Variants in NEDD1 observed in about 807,000 individuals in gnomAD.
NEDD1 encodes protein NEDD1.
NEDD1 carries 33 observed loss-of-function variants against 74.0 expected under a neutral mutation model. The ratio of observed to expected loss-of-function variants is 0.45; its 90% CI spans 0.34 to 0.60. The LOEUF (loss-of-function observed/expected upper bound fraction) is 0.60, where lower values mean the gene tolerates loss of function less well. Among genes scored for constraint, NEDD1 ranks in the 20% least tolerant of loss-of-function variants. The pLI is 0.01. For missense variants in NEDD1, 746 were observed against 776.5 expected, an observed-to-expected ratio of 0.96 and a Z score of 0.47; for synonymous variants, 250 against 264.4, an observed-to-expected ratio of 0.95 and a Z score of 0.53.
chr12:96,940,613 G>A (rs1877573290), intron 10 of NEDD1, 76 bp downstream of exon 10: 1 of 1,042,096 alleles, frequency 9.6e-7, no homozygotes, highest in South Asian at 1.8e-5. Context: ...GTGAATAATA[G>A]CTTCAGTCCA....
At chr12:96,951,245 C>T (rs995541861) in intron 14 of NEDD1, among the ~76,000 whole-genome samples, 187 bp from the exon 15 acceptor site, 1 of 151,760 alleles carries the variant, frequency 6.6e-6, no homozygotes, top group African/African-American at 2.4e-5. Context: ...CGAGTTCTTA[C>T]ATTTAAAGTA....
At position 96,909,915 on chromosome 12, in the gene NEDD1, A is replaced by AAC. The variant is rs75007264; in HGVS notation, c.136+38_136+39dup. 6.8e-3 allele frequency: 9,064 copies of AAC among 1,342,012 alleles called. 12 individuals are homozygous for AAC. The highest frequency in any genetic ancestry group is 7.6e-3 in the Non-Finnish European group (7,542 of 989,012). 83.1% of individuals were successfully genotyped at this position (1,342,012 alleles called of 1,614,324 possible). A position where few individuals can be genotyped will look rare whatever the true frequency, so the allele number is the denominator to read the frequency against. ...GCAATAGTATCCTTTAAAAAAAAAA[A>AAC]ACACACACACACACACACAAACCGC... On this transcript the variant is annotated intron_variant, in intron 3 of 15. Transcript: ENST00000266742.
At chr12:96,932,463 A>AAAAAAAAATATATATATAT in intron 6 of NEDD1, among the ~76,000 whole-genome samples, 2 of 9,438 alleles carry the variant, frequency 2.1e-4, no homozygotes, top group African/African-American at 6.7e-4. Flanking sequence ...AAAAAAAAAA[A>AAAAAAAAATATATATATAT]ATATATATAT....
chr12:96,952,121 C>A lies in NEDD1; in HGVS notation c.*68C>A. ...CTGGCAACACAGAACTACATAGAAT[C>A]AGTATTGTTTTCATGGCCTCCAGGG... is the stretch of plus-strand genomic sequence containing the variant. On this transcript the variant is annotated 3_prime_UTR_variant, in exon 16 of 16. Coordinates refer to ENST00000266742, the MANE Select transcript of NEDD1 (RefSeq NM_152905.4). 1.2e-6 allele frequency: 1 copy of A among 856,722 alleles called. No individual in the cohort carries two copies. Among genetic ancestry groups the A allele is most frequent in the South Asian group, 1.4e-5 (1 of 70,578 alleles). 53.1% of individuals were successfully genotyped at this position (856,722 alleles called of 1,614,324 possible). A position where few individuals can be genotyped will look rare whatever the true frequency, so the allele number is the denominator to read the frequency against.
At chr12:96,924,761 AATG>A (rs1875508868) in intron 6 of NEDD1, 1 of 423,090 alleles carries the variant, frequency 2.4e-6, no homozygotes, top group Non-Finnish European at 4.6e-6. Context: ...GTCATCTGTG[AATG>A]ATAAGTTTTT....
At position 96,935,113 on chromosome 12, in the gene NEDD1, G is replaced by A. The variant is rs545296201; in HGVS notation, c.627G>A (p.Ala209=). ...HNFDSVHKAP[A]SGICFSPVNE... is the part of the protein sequence containing the mutation. ...TTGACAGTGTACACAAAGCTCCAGCGTCAGGCATCTGTTTTTCTCCTGTCA... is the reference window on the plus strand; with the variant it reads ...TTGACAGTGTACACAAAGCTCCAGCATCAGGCATCTGTTTTTCTCCTGTCA... Residue 209 remains alanine (A), a synonymous_variant, in exon 7 of 16, where the codon GCG becomes GCA. Transcript: ENST00000266742. The A allele has an allele frequency of 2.4e-5, 38 of 1,613,256 alleles. No homozygotes were observed. The highest frequency in any genetic ancestry group is 1.2e-4 in the Admixed American group (7 of 60,010).
chr12:96,933,731 A>G (rs980340693), intron 6 of NEDD1, among the ~76,000 whole-genome samples: 1 of 151,992 alleles, frequency 6.6e-6, no homozygotes, highest in Non-Finnish European at 1.5e-5. Flanking sequence ...GAGAGCTAAT[A>G]TATATTATTT....
intron 6 of NEDD1, among the ~76,000 whole-genome samples, chr12:96,933,264 T>C (rs1876746040): frequency 6.6e-6 from 1 of 152,184 alleles, no homozygotes; most frequent in Admixed American, 6.5e-5. Context: ...GTGATTTTTA[T>C]GGTGTTTTTA....
chr12:96,935,042 A>T lies in NEDD1; in HGVS notation c.556A>T (p.Ile186Leu), dbSNP rs1212219770. 2 of 1,612,582 alleles carry T rather than the reference A, an allele frequency of 1.2e-6. No individual in the cohort carries two copies. Among genetic ancestry groups the T allele is most frequent in the Admixed American group, 1.7e-5 (1 of 60,010 alleles). The change falls in exon 7 of 16, where the codon ATA (isoleucine) becomes TTA (leucine). Residue 186 changes from isoleucine to leucine, a missense_variant. Around this residue, in one of 3 missense-constraint regions of NEDD1, gnomAD observed 706 missense variants for 706.7 expected, o/e 1.00. Coordinates refer to ENST00000266742, the MANE Select transcript of NEDD1 (RefSeq NM_152905.4). ...ACTGGGCAGTGTTTCGGATAATGGAATAGTAACTCTCTGGGATGTAAATAG... is the reference window on the plus strand; with the variant it reads ...ACTGGGCAGTGTTTCGGATAATGGATTAGTAACTCTCTGGGATGTAAATAG... ...SLLGSVSDNG[I>L]VTLWDVNSQS... is the part of the protein sequence containing the mutation.
At chr12:96,934,116 A>C (rs1876835980) in intron 6 of NEDD1, among the ~76,000 whole-genome samples, 1 of 152,212 alleles carries the variant, frequency 6.6e-6, no homozygotes, top group African/African-American at 2.4e-5. Flanking sequence ...ATTATGCTTC[A>C]GGTGTTGAAT....
At chr12:96,943,340 T>C (rs1409531852) in intron 11 of NEDD1, among the ~76,000 whole-genome samples, 2 of 152,174 alleles carry the variant, frequency 1.3e-5, no homozygotes, top group Admixed American at 6.6e-5. Context: ...GAGATGGATA[T>C]CATCATTTAC....
intron 13 of NEDD1, 73 bp from the exon 14 acceptor site, chr12:96,945,620 A>G (rs1878115312): frequency 1.0e-6 from 1 of 962,824 alleles, no homozygotes; most frequent in Non-Finnish European, 1.6e-6. Context: ...GCACATGCCA[A>G]ATCTTATTTA....
intron 12 of NEDD1, among the ~76,000 whole-genome samples, chr12:96,944,136 A>T (rs1299927368): frequency 3.3e-5 from 5 of 151,606 alleles, no homozygotes; most frequent in Non-Finnish European, 7.4e-5. Flanking sequence ...TTTCTGCTAA[A>T]ATATATATAT....
In NEDD1 at chr12:96,907,685, G is replaced by C; in HGVS notation, c.-180G>C. ...GTGTATTTTTGGTGATTGAAAGTTG[G>C]AGAACTTTCATTTCAGCTGAGTGGT... On this transcript the variant is annotated 5_prime_UTR_variant, in exon 2 of 16. Transcript: ENST00000266742. The C allele has an allele frequency of 6.4e-7, 1 of 1,550,650 alleles. No homozygotes were observed. Among genetic ancestry groups the C allele is most frequent in the East Asian group, 2.4e-5 (1 of 40,912 alleles).
intron 6 of NEDD1, among the ~76,000 whole-genome samples, chr12:96,924,661 A>G (rs1875496221): frequency 6.6e-6 from 1 of 152,190 alleles, no homozygotes; most frequent in African/African-American, 2.4e-5. Flanking sequence ...ATTTTATCCA[A>G]AAATTCTGCT....
At position 96,917,840 on chromosome 12, in the gene NEDD1, G is replaced by A. The variant is rs1449136826; in HGVS notation, c.348+103G>A. On this transcript the variant is annotated intron_variant, in intron 5 of 15. Transcript: ENST00000266742. The stretch of plus-strand genomic sequence containing the variant: ...TGAGCTTTTATGATAAAAATAAGAG[G>A]CTTCAGAATTGAACTAAGATTTGTT... 56 of 1,301,990 alleles carry A rather than the reference G, an allele frequency of 4.3e-5. 1 individual carries two copies. The highest frequency in any genetic ancestry group is 5.6e-5 in the Non-Finnish European group (55 of 980,100). 80.7% of individuals were successfully genotyped at this position (1,301,990 alleles called of 1,614,324 possible).
intron 3 of NEDD1, among the ~76,000 whole-genome samples, chr12:96,911,751 T>C (rs1194850099): frequency 6.6e-6 from 1 of 152,148 alleles, no homozygotes; most frequent in African/African-American, 2.4e-5. Context: ...AAATGGTTTT[T>C]CTCGCTATGG....
rs1878879581 is a variant in NEDD1 at position 96,953,418 on chromosome 12, A to G, written c.*1365A>G. 6.6e-6 allele frequency: 1 copy of G among 151,794 alleles called. No homozygotes were observed. Among genetic ancestry groups the G allele is most frequent in the African/African-American group, 2.4e-5 (1 of 41,414 alleles). The allele number at this position is 151,794 out of a possible 1,614,324, so 9.4% of individuals were successfully genotyped here. A position where few individuals can be genotyped will look rare whatever the true frequency, so the allele number is the denominator to read the frequency against. ...GGGATGTTAATGTGATCTTTTCCTG[A>G]CAGATTATGAAAGCATTATGACTTG... On this transcript the variant is annotated 3_prime_UTR_variant, in exon 16 of 16. Transcript: ENST00000266742.
chr12:96,925,931 G>A (rs1041334383), intron 6 of NEDD1, among the ~76,000 whole-genome samples: 2 of 152,248 alleles, frequency 1.3e-5, no homozygotes, highest in East Asian at 3.9e-4. Context: ...AGCACTAGGA[G>A]TAAAGCACCT....
Sources: gnomAD v4.1 joint callset for allele counts (sites outside exome capture counted in the v4.1 genomes callset) on GRCh38, gnomAD v4.1.1 for gene constraint, gnomAD v4.1.1 regional missense constraint, MANE v1.5 for transcripts, NCBI Gene and HGNC (gene_info 2026-07-23, HGNC 2026-07-21) for gene names.